ACOT13: variants seen among roughly 807,000 people sequenced by gnomAD.
The protein encoded by ACOT13 is acyl-coenzyme A thioesterase 13.
In ACOT13, 10 loss-of-function variants were observed where a neutral mutation model predicts 11.8. The ratio of observed to expected loss-of-function variants is 0.85; its 90% CI spans 0.53 to 1.44. ACOT13 has a LOEUF of 1.44. Ranked by LOEUF, ACOT13 falls within the 40% of genes most tolerant of loss-of-function variation. ACOT13 has a pLI of 0.00. For synonymous variants in ACOT13, 53 were observed against 61.0 expected (o/e 0.87, Z 0.61); for missense variants, 172 against 174.1 (o/e 0.99, Z 0.07).
At chr6:24,683,442 C>T (rs1270887350) in intron 1 of ACOT13, among the ~76,000 whole-genome samples, 1 of 151,972 alleles carries the variant, frequency 6.6e-6, no homozygotes, top group East Asian at 1.9e-4. Flanking sequence ...GAGGCTGAAA[C>T]ATGAAAATCG....
chr6:24,693,973 C>T (rs566101674), intron 1 of ACOT13, among the ~76,000 whole-genome samples: 3 of 152,132 alleles, frequency 2.0e-5, no homozygotes, highest in Non-Finnish European at 2.9e-5. Context: ...ATCTGCCTGC[C>T]TCGGCCTCCC....
intron 1 of ACOT13, among the ~76,000 whole-genome samples, chr6:24,668,199 C>T (rs897958937): frequency 4.6e-5 from 7 of 151,234 alleles, no homozygotes; most frequent in African/African-American, 1.7e-4. Flanking sequence ...TGAGCCGCCA[C>T]GCCAGACCTT....
Position 24,701,892 on chromosome 6 carries a change from CAGTTAAGATT to C in ACOT13, c.*279_*288del, listed in dbSNP as rs1778899120. 3.4e-6 allele frequency: 1 copy of C among 294,410 alleles called. No homozygotes were observed. Among genetic ancestry groups the C allele is most frequent in the East Asian group, 6.3e-5 (1 of 15,756 alleles). The allele number at this position is 294,410 out of a possible 1,614,324, so 18.2% of individuals were successfully genotyped here. On this transcript the variant is annotated 3_prime_UTR_variant, in exon 3 of 3. Transcript: ENST00000230048. ...GCAAAGAAACTAGCAGGACCACTCT[CAGTTAAGATT>C]AAAACTAAAGTCCAGTGTTAAGCTA...
chr6:24,667,253 A>T lies in ACOT13; in HGVS notation c.-11A>T. 1 of 1,613,944 alleles carries T rather than the reference A, an allele frequency of 6.2e-7. No individual in the cohort carries two copies. Among genetic ancestry groups the T allele is most frequent in the East Asian group, 2.2e-5 (1 of 44,884 alleles). ...CTTGCGCAAAGCCCAAAGGCTGGAA[A>T]ACCGTCCACGATGACCAGCATGACT... On this transcript the variant is annotated 5_prime_UTR_variant, in exon 1 of 3. Transcript: ENST00000230048.
intron 1 of ACOT13, among the ~76,000 whole-genome samples, chr6:24,695,204 G>T (rs145516178): frequency 2.0e-5 from 3 of 152,254 alleles, no homozygotes; most frequent in Non-Finnish European, 4.4e-5. Flanking sequence ...ATCTACTCAG[G>T]AGGCTGAGGC....
intron 1 of ACOT13, among the ~76,000 whole-genome samples, chr6:24,689,434 C>A (rs1582442286): frequency 1.3e-5 from 2 of 151,718 alleles, no homozygotes; most frequent in Admixed American, 6.6e-5. Context: ...CCAGCCTGGG[C>A]AAAATAGAGA....
intron 1 of ACOT13, among the ~76,000 whole-genome samples, chr6:24,672,611 G>A (rs528012536): frequency 6.6e-6 from 1 of 152,308 alleles, no homozygotes; most frequent in East Asian, 1.9e-4. Context: ...TGCAGTTCCA[G>A]CCTGGGTGAC....
At chr6:24,668,704 C>G (rs764433645) in intron 1 of ACOT13, among the ~76,000 whole-genome samples, 1 of 152,242 alleles carries the variant, frequency 6.6e-6, no homozygotes, top group Non-Finnish European at 1.5e-5. Flanking sequence ...AGTGAAGTTA[C>G]AAAGTTGCCC....
rs759646184 is a variant in ACOT13, at chr6:24,701,533, C to G, written c.341C>G (p.Ala114Gly). Residue 114 changes from alanine (A) to glycine (G), a missense_variant, in exon 3 of 3, where the codon GCA (alanine) becomes GGA (glycine). Physicochemically the swap from Ala to Gly is moderately conservative, Grantham distance 60. Transcript: ENST00000230048. ...GTTCTGAAGCAAGGAAAAACACTTG[C>G]ATTTACCTCTGTGGATCTGACCAAC... ...AHVLKQGKTL[A>G]FTSVDLTNKA... The G allele has an allele frequency of 3.7e-6, 6 of 1,613,990 alleles. No individual in the cohort carries two copies. The South Asian group carries it at 5.5e-5, about 15-fold the overall frequency.
intron 2 of ACOT13, among the ~76,000 whole-genome samples, chr6:24,698,380 T>C (rs1778834069): frequency 6.6e-6 from 1 of 152,186 alleles, no homozygotes; most frequent in Non-Finnish European, 1.5e-5. Context: ...AACTGTTTCA[T>C]ACAGTCCTTA....
rs1180602733 is a variant in ACOT13 at position 24,667,232 on chromosome 6, C to T, written c.-32C>T. On this transcript the variant is annotated 5_prime_UTR_variant, in exon 1 of 3. Coordinates refer to ENST00000230048, the MANE Select transcript of ACOT13 (RefSeq NM_018473.4). ...CCAGCTCTTCCGAAGTTCGTTCTTG[C>T]GCAAAGCCCAAAGGCTGGAAAACCG... 1.2e-6 allele frequency: 2 copies of T among 1,608,178 alleles called. No individual in the cohort carries two copies. Among genetic ancestry groups the T allele is most frequent in the Admixed American group, 3.4e-5 (2 of 59,646 alleles).
rs930997467 is a variant in ACOT13 at position 24,701,549 on chromosome 6, T to C, written c.357T>C (p.Asp119=). 1.2e-6 allele frequency: 2 copies of C among 1,613,846 alleles called. No homozygotes were observed. The highest frequency in any genetic ancestry group is 1.7e-5 in the Admixed American group (1 of 59,982). The part of the protein sequence containing the change: ...QGKTLAFTSV[D]LTNKATGKLI... The stretch of plus-strand genomic sequence containing the variant: ...AAACACTTGCATTTACCTCTGTGGA[T>C]CTGACCAACAAGGCCACAGGAAAAT... The change falls in exon 3 of 3, where the codon GAT becomes GAC. Residue 119 remains aspartate, a synonymous_variant. Coordinates refer to ENST00000230048, the MANE Select transcript of ACOT13 (RefSeq NM_018473.4).
At chr6:24,697,290 G>T (rs1459412867) in intron 1 of ACOT13, among the ~76,000 whole-genome samples, 1 of 152,046 alleles carries the variant, frequency 6.6e-6, no homozygotes, top group Non-Finnish European at 1.5e-5. Context: ...CTTTTAAGTT[G>T]AACTGTTCAT....
chr6:24,670,382 GCTC>G (rs936074449), intron 1 of ACOT13, among the ~76,000 whole-genome samples: 2 of 152,134 alleles, frequency 1.3e-5, no homozygotes, highest in Non-Finnish European at 2.9e-5. Context: ...TAAACCAGGG[GCTC>G]CTGGACCTGT....
rs190344571 is a variant in ACOT13 at position 24,695,258 on chromosome 6, G to A, written c.82-2625G>A. On this transcript the variant is annotated intron_variant, in intron 1 of 2. Transcript: ENST00000230048. Reference sequence around the variant, plus strand: ...TGGGATGCAGAGGTCGCAGTGAGCCGAGATTACACCACTGCACTCCAGCCT... The same window carrying A: ...TGGGATGCAGAGGTCGCAGTGAGCCAAGATTACACCACTGCACTCCAGCCT... Among the ~76,000 whole-genome samples the A allele has an allele frequency of 2.4e-3, 360 of 152,228 alleles. 1 individual carries two copies. Among genetic ancestry groups the A allele is most frequent in the Non-Finnish European group, 4.3e-3 (291 of 68,016 alleles).
intron 1 of ACOT13, among the ~76,000 whole-genome samples, chr6:24,694,025 T>C (rs1778757814): frequency 6.6e-6 from 1 of 152,200 alleles, no homozygotes; most frequent in African/African-American, 2.4e-5. Flanking sequence ...TAAACTCATA[T>C]GAATGCATGA....
chr6:24,704,243 G>GA lies in ACOT13; in HGVS notation c.*2635dup, dbSNP rs955617317. The GA allele has an allele frequency of 1.5e-5, 2 of 133,170 alleles. No individual in the cohort carries two copies. The highest frequency in any genetic ancestry group is 5.7e-5 in the African/African-American group (2 of 34,816). The allele number at this position is 133,170 out of a possible 1,614,324, so 8.2% of individuals were successfully genotyped here. The stretch of plus-strand genomic sequence containing the variant: ...ACAGGTATAAGTGTACAGAGAAAAT[G>GA]AAAAAAATGTGGCAAAATAATAAAA... On this transcript the variant is annotated 3_prime_UTR_variant, in exon 3 of 3. Transcript: ENST00000230048.
At chr6:24,679,912 G>A (rs372314530) in intron 1 of ACOT13, among the ~76,000 whole-genome samples, 90 of 152,314 alleles carry the variant, frequency 5.9e-4, no homozygotes, top group African/African-American at 2.0e-3. Context: ...AGAGAAAAAG[G>A]TACATGCACT....
intron 1 of ACOT13, among the ~76,000 whole-genome samples, chr6:24,667,643 A>G (rs1049301733): frequency 6.6e-6 from 1 of 152,234 alleles, no homozygotes; most frequent in African/African-American, 2.4e-5. Context: ...GCATTGCTCC[A>G]GAGAAGAGTA....
Sources: allele counts gnomAD v4.1 joint callset (sites outside exome capture counted in the v4.1 genomes callset), GRCh38; gene constraint gnomAD v4.1.1; transcripts MANE v1.5; gene names NCBI Gene and HGNC (gene_info 2026-07-23, HGNC 2026-07-21).